CKS2: variants seen among roughly 807,000 people sequenced by gnomAD.
The protein encoded by CKS2 is CDC28 protein kinase regulatory subunit 2.
CKS2 carries 4 observed loss-of-function variants against 14.3 expected under a neutral mutation model. The ratio of observed to expected loss-of-function variants is 0.28; its 90% confidence interval spans 0.14 to 0.64. The LOEUF (loss-of-function observed/expected upper bound fraction) is 0.64. Among genes scored for constraint, CKS2 ranks in the 30% least tolerant of loss-of-function variants. CKS2 has a pLI of 0.83. For synonymous variants in CKS2, 33 were observed against 28.7 expected, an observed-to-expected ratio of 1.15 and a Z score of -0.48; for missense variants, 71 against 94.3, an observed-to-expected ratio of 0.75 and a Z score of 1.02.
intron 1 of CKS2, 71 bp downstream of exon 1, chr9:89,311,422 T>C (rs1824604766): frequency 1.4e-5 from 14 of 978,138 alleles, no homozygotes; most frequent in Admixed American, 5.1e-5. Flanking sequence ...GACCCAGGCA[T>C]AGTAGGGTCG....
intron 1 of CKS2, among the ~76,000 whole-genome samples, chr9:89,312,984 A>T (rs1824647012): frequency 1.3e-5 from 2 of 152,222 alleles, no homozygotes; most frequent in Admixed American, 6.5e-5. Context: ...TTTTAGTTTT[A>T]ATATACTCAA....
intron 1 of CKS2, 48 bp from the exon 2 acceptor site, chr9:89,315,109 TGTATAAAGCGACA>T (rs1824683274): frequency 2.0e-6 from 3 of 1,469,604 alleles, no homozygotes; most frequent in Non-Finnish European, 2.8e-6. Context: ...TTAAGGTACA[TGTATAAAGCGACA>T]GTTGTAGAAA....
Position 89,311,280 on chromosome 9 carries a change from G to A in CKS2, c.-13G>A, listed in dbSNP as rs1334036212. 6.2e-7 allele frequency: 1 copy of A among 1,609,938 alleles called. No individual in the cohort carries two copies. Among genetic ancestry groups the A allele is most frequent in the Admixed American group, 1.7e-5 (1 of 59,630 alleles). ...TCGCGCTCTCGTTTCATTTTCTGCAGCGCGCCAGCAGGATGGCCCACAAGC... is the reference window on the plus strand; with the variant it reads ...TCGCGCTCTCGTTTCATTTTCTGCAACGCGCCAGCAGGATGGCCCACAAGC... On this transcript the variant is annotated 5_prime_UTR_variant, in exon 1 of 3. Coordinates refer to ENST00000314355, the MANE Select transcript of CKS2 (RefSeq NM_001827.3).
At chr9:89,315,106 A>C in intron 1 of CKS2, 64 bp from the exon 2 acceptor site, 1 of 1,439,138 alleles carries the variant, frequency 6.9e-7, no homozygotes, top group Admixed American at 2.1e-5. Context: ...TCCTTAAGGT[A>C]CATGTATAAA....
rs756527888 is a variant in CKS2, at chr9:89,315,284, G to C, written c.174G>C (p.Met58Ile). The C allele has an allele frequency of 6.3e-7, 1 of 1,599,712 alleles. No homozygotes were observed. The highest frequency in any genetic ancestry group is 8.5e-7 in the Non-Finnish European group (1 of 1,172,090). Residue 58 changes from methionine to isoleucine, a missense_variant, in exon 2 of 3, where the codon ATG becomes ATC. Transcript: ENST00000314355. ...AGAGTCTAGGCTGGGTTCATTACAT[G>C]ATTCATGAGCCAGGTAAGCTATGCT... ...VQQSLGWVHY[M>I]IHEPEPHILL...
At chr9:89,312,773 G>T (rs1352042546) in intron 1 of CKS2, among the ~76,000 whole-genome samples, 1 of 152,124 alleles carries the variant, frequency 6.6e-6, no homozygotes, top group Non-Finnish European at 1.5e-5. Flanking sequence ...TTAATCAAGA[G>T]CCCTATTGAG....
chr9:89,311,795 C>T (rs1824614951), intron 1 of CKS2, among the ~76,000 whole-genome samples: 1 of 152,182 alleles, frequency 6.6e-6, no homozygotes, highest in South Asian at 2.1e-4. Context: ...GTCCTTTTTC[C>T]TTTAGCAACC....
intron 1 of CKS2, among the ~76,000 whole-genome samples, 164 bp from the exon 2 acceptor site, chr9:89,315,006 G>C (rs1165186301): frequency 6.6e-6 from 1 of 152,146 alleles, no homozygotes; most frequent in African/African-American, 2.4e-5. Context: ...CTTTTGGATT[G>C]TGCACTCTTA....
chr9:89,316,600 A>T lies in CKS2; in HGVS notation c.*175A>T, dbSNP rs3211693. Reference sequence around the variant, plus strand: ...GCAACTGCAAGTAGGTTACTGTAAGATGTTTAAGATAAAAGTTCTTCCAGT... The same window carrying T: ...GCAACTGCAAGTAGGTTACTGTAAGTTGTTTAAGATAAAAGTTCTTCCAGT... On this transcript the variant is annotated 3_prime_UTR_variant, in exon 3 of 3. Transcript: ENST00000314355. 1.7e-3 allele frequency: 739 copies of T among 438,804 alleles called. 6 individuals are homozygous for T. Among genetic ancestry groups the T allele is most frequent in the South Asian group, 0.015 (228 of 15,608 alleles). 27.2% of individuals were successfully genotyped at this position (438,804 alleles called of 1,614,324 possible).
chr9:89,316,591 T>TA lies in CKS2; in HGVS notation c.*167dup. The TA allele has an allele frequency of 2.2e-6, 1 of 457,320 alleles. No individual in the cohort carries two copies. The highest frequency in any genetic ancestry group is 3.3e-5 in the East Asian group (1 of 30,136). The allele number at this position is 457,320 out of a possible 1,614,324, so 28.3% of individuals were successfully genotyped here. ...CAGTTAAATGCAACTGCAAGTAGGT[T>TA]ACTGTAAGATGTTTAAGATAAAAGT... On this transcript the variant is annotated 3_prime_UTR_variant, in exon 3 of 3. Coordinates refer to ENST00000314355, the MANE Select transcript of CKS2 (RefSeq NM_001827.3).
rs182461066 is a variant in CKS2 at position 89,311,358 on chromosome 9, G to T, written c.59+7G>T. ...ACGAACACTACGAGTACCGGTGGGC[G>T]CCTTTCTTAGACCCCGAGCCGGCTC... On this transcript the variant is annotated splice_region_variant and intron_variant, in intron 1 of 2. Transcript: ENST00000314355. 4,470 of 1,600,042 alleles carry T rather than the reference G, an allele frequency of 2.8e-3. 8 individuals are homozygous for T. Among genetic ancestry groups the T allele is most frequent in the Non-Finnish European group, 3.0e-3 (3,582 of 1,174,824 alleles).
chr9:89,313,713 C>G lies in CKS2; in HGVS notation c.60-1457C>G, dbSNP rs3211675. ...TGATAGAAAAGGTACAAAAGCACTA[C>G]ATTTCTCTTTGAGAATAATCAACAA... On this transcript the variant is annotated intron_variant, in intron 1 of 2. Coordinates refer to ENST00000314355, the MANE Select transcript of CKS2 (RefSeq NM_001827.3). Among the ~76,000 whole-genome samples the G allele has an allele frequency of 1.1e-4, 17 of 152,322 alleles. No homozygotes were observed. The East Asian group carries it at 2.9e-3, about 26-fold the overall frequency.
rs796792932 is a variant in CKS2 at position 89,311,195 on chromosome 9, G to T, written c.-98G>T. 4.2e-6 allele frequency: 4 copies of T among 949,560 alleles called. No homozygotes were observed. The highest frequency in any genetic ancestry group is 5.7e-5 in the East Asian group (2 of 34,980). The allele number at this position is 949,560 out of a possible 1,614,324, so 58.8% of individuals were successfully genotyped here. A position where few individuals can be genotyped will look rare whatever the true frequency, so the allele number is the denominator to read the frequency against. On this transcript the variant is annotated 5_prime_UTR_variant, in exon 1 of 3. Transcript: ENST00000314355. ...AATCCGGATCGTTGGGACTGCGGTC[G>T]TTAGTCTCCGGCGAGTTGTTGCCTG...
chr9:89,312,697 T>C (rs1218737258), intron 1 of CKS2, among the ~76,000 whole-genome samples: 1 of 152,204 alleles, frequency 6.6e-6, no homozygotes, highest in African/African-American at 2.4e-5. Context: ...AAGTAGATTG[T>C]GTTAACCTTA....
intron 2 of CKS2, among the ~76,000 whole-genome samples, chr9:89,315,991 T>G (rs1824704497): frequency 6.6e-6 from 1 of 152,198 alleles, no homozygotes; most frequent in Non-Finnish European, 1.5e-5. Flanking sequence ...CATCGAAAAC[T>G]CTAAAAGGAC....
chr9:89,316,442 G>A lies in CKS2; in HGVS notation c.*17G>A, dbSNP rs898090936. 1.3e-5 allele frequency: 20 copies of A among 1,523,478 alleles called. No homozygotes were observed. Among genetic ancestry groups the A allele is most frequent in the Admixed American group, 5.2e-5 (3 of 57,666 alleles). The allele number at this position is 1,523,478 out of a possible 1,614,324, so 94.4% of individuals were successfully genotyped here. On this transcript the variant is annotated 3_prime_UTR_variant, in exon 3 of 3. Transcript: ENST00000314355. The stretch of plus-strand genomic sequence containing the variant: ...CAAAAATGAAGTTTATCTGGGGATC[G>A]TCAAATCTTTTTCAAATTTAATGTA...
intron 1 of CKS2, chr9:89,312,147 G>A (rs572844782): frequency 3.2e-5 from 5 of 154,360 alleles, no homozygotes; most frequent in African/African-American, 1.2e-4. Context: ...GCCAAATTTT[G>A]GGCTTTGAGA....
intron 1 of CKS2, among the ~76,000 whole-genome samples, chr9:89,311,777 C>T (rs564731460): frequency 2.6e-5 from 4 of 152,340 alleles, no homozygotes; most frequent in East Asian, 3.9e-4. Flanking sequence ...GAAAACCCAC[C>T]TGGTGCCGTC....
intron 1 of CKS2, among the ~76,000 whole-genome samples, chr9:89,314,773 AT>A (rs1298602515): frequency 6.6e-6 from 1 of 152,184 alleles, no homozygotes; most frequent in African/African-American, 2.4e-5. Flanking sequence ...ATTAATGTGC[AT>A]TCAACAAGAA....
Sources: allele counts gnomAD v4.1 joint callset (sites outside exome capture counted in the v4.1 genomes callset), GRCh38; gene constraint gnomAD v4.1.1; transcripts MANE v1.5; gene names NCBI Gene and HGNC (gene_info 2026-07-23, HGNC 2026-07-21).